The following TAS2R1 variants were observed in gnomAD, a reference collection of about 807,000 sequenced individuals.
The protein encoded by TAS2R1 is taste 2 receptor member 1, also known as taste receptor type 2 member 1.
For synonymous variants in TAS2R1, 141 were observed against 134.2 expected, an observed-to-expected ratio of 1.05 and a Z score of -0.35; for missense variants, 370 against 353.4, an observed-to-expected ratio of 1.05 and a Z score of -0.38.
chr5:9,855,398 T>C, the TAS2R1 span, among the ~76,000 whole-genome samples: 3 of 152,174 alleles, frequency 2.0e-5, no homozygotes, highest in African/African-American at 4.8e-5. Context: ...AGTTTTTACT[T>C]ATAGGTCCTA....
At chr5:9,752,334 C>T in the TAS2R1 span, among the ~76,000 whole-genome samples, 1 of 152,144 alleles carries the variant, frequency 6.6e-6, no homozygotes, top group African/African-American at 2.4e-5. Context: ...ATAACTGAGT[C>T]CTCTGTACTC....
At chr5:9,866,568 A>C in the TAS2R1 span, among the ~76,000 whole-genome samples, 1 of 152,002 alleles carries the variant, frequency 6.6e-6, no homozygotes, top group Non-Finnish European at 1.5e-5. Context: ...GCTGATTAGA[A>C]GTTGTTTTTC....
chr5:9,705,587 G>A (rs755735231), intron 1 of TAS2R1, among the ~76,000 whole-genome samples: 2 of 152,090 alleles, frequency 1.3e-5, no homozygotes, highest in African/African-American at 4.8e-5. Context: ...GGCCAAGCAC[G>A]GTGGTTCACG....
intron 1 of TAS2R1, among the ~76,000 whole-genome samples, chr5:9,700,461 C>T (rs1741457857): frequency 1.3e-5 from 2 of 152,134 alleles, no homozygotes; most frequent in Admixed American, 1.3e-4. Context: ...CACCCATTTT[C>T]TATTTTCCAC....
intron 2 of TAS2R1, among the ~76,000 whole-genome samples, chr5:9,635,611 C>T (rs1261243280): frequency 2.6e-5 from 4 of 151,400 alleles, no homozygotes; most frequent in African/African-American, 9.7e-5. Flanking sequence ...TTTTTTACTA[C>T]TGTTTCAATC....
chr5:9,632,604 A>G (rs767085656), upstream of TAS2R1, among the ~76,000 whole-genome samples: 9 of 152,192 alleles, frequency 5.9e-5, no homozygotes, highest in Non-Finnish European at 1.2e-4. Context: ...AATGTTCTGA[A>G]TCCTTTGTTG....
At chr5:9,873,674 C>T in the TAS2R1 span, among the ~76,000 whole-genome samples, 1 of 151,760 alleles carries the variant, frequency 6.6e-6, no homozygotes, top group Non-Finnish European at 1.5e-5. Context: ...CAAGACCAGC[C>T]TGGGCAACAT....
At chr5:9,720,679 G>A in the TAS2R1 span, among the ~76,000 whole-genome samples, 1 of 152,200 alleles carries the variant, frequency 6.6e-6, no homozygotes, top group African/African-American at 2.4e-5. Context: ...AACCTTCCCT[G>A]GCAGGAAAGG....
chr5:9,782,116 T>G, the TAS2R1 span, among the ~76,000 whole-genome samples: 1 of 152,204 alleles, frequency 6.6e-6, no homozygotes, highest in Non-Finnish European at 1.5e-5. Context: ...AACATTACAG[T>G]GGAAGCTCCA....
chr5:9,768,222 T>C, the TAS2R1 span, among the ~76,000 whole-genome samples: 2 of 152,292 alleles, frequency 1.3e-5, no homozygotes, highest in African/African-American at 4.8e-5. Context: ...GCTGGCATCT[T>C]CCTGTCCTTC....
the TAS2R1 span, among the ~76,000 whole-genome samples, chr5:9,873,408 C>CT: frequency 0.24 from 33,785 of 143,644 alleles, 5,906 homozygotes; most frequent in African/African-American, 0.46. Flanking sequence ...AAGACCAGGC[C>CT]TTTTTTTTTT....
intron 1 of TAS2R1, among the ~76,000 whole-genome samples, chr5:9,697,752 C>A (rs1458016399): frequency 6.6e-6 from 1 of 152,066 alleles, no homozygotes; most frequent in African/African-American, 2.4e-5. Context: ...ACTTTATAGA[C>A]ATCATTTTAC....
the TAS2R1 span, among the ~76,000 whole-genome samples, chr5:9,816,159 A>G: frequency 1.3e-5 from 2 of 152,156 alleles, no homozygotes; most frequent in East Asian, 1.9e-4. Context: ...TGACTATTTT[A>G]TGATCCACAG....
chr5:9,845,186 A>T, the TAS2R1 span, among the ~76,000 whole-genome samples: 1 of 152,106 alleles, frequency 6.6e-6, no homozygotes, highest in African/African-American at 2.4e-5. Flanking sequence ...TTATAAGAAG[A>T]GGAAGAAAGA....
chr5:9,632,895 T>A (rs1264285982), upstream of TAS2R1, among the ~76,000 whole-genome samples: 1 of 152,082 alleles, frequency 6.6e-6, no homozygotes, highest in Non-Finnish European at 1.5e-5. Context: ...GTTTTTTTTT[T>A]AACCTCCTTC....
chr5:9,800,320 A>G, the TAS2R1 span, among the ~76,000 whole-genome samples: 2 of 152,238 alleles, frequency 1.3e-5, no homozygotes, highest in Non-Finnish European at 1.5e-5. Context: ...ATCTCTGGGA[A>G]TGAGACATAT....
chr5:9,682,369 G>T (rs190005672), intron 1 of TAS2R1, among the ~76,000 whole-genome samples: 38 of 152,272 alleles, frequency 2.5e-4, no homozygotes, highest in African/African-American at 7.7e-4. Context: ...TTGGGGGTGG[G>T]GATCTGCTCT....
chr5:9,856,924 T>C, the TAS2R1 span, among the ~76,000 whole-genome samples: 5 of 152,190 alleles, frequency 3.3e-5, no homozygotes, highest in Admixed American at 1.3e-4. Flanking sequence ...ATATATGGTA[T>C]ATATACACAA....
intron 1 of TAS2R1, chr5:9,712,028 A>AGGG (rs1734690278): frequency 1.1e-5 from 1 of 89,948 alleles, no homozygotes; most frequent in Non-Finnish European, 2.1e-5. Context: ...GGAAGGAAGG[A>AGGG]AGGGAGGGAG....
Sources: allele counts gnomAD v4.1 joint callset (sites outside exome capture counted in the v4.1 genomes callset), GRCh38; gene constraint gnomAD v4.1.1; transcripts MANE v1.5; gene names NCBI Gene and HGNC (gene_info 2026-07-23, HGNC 2026-07-21).